Variants in PIBF1 observed in about 807,000 individuals in gnomAD.
PIBF1 encodes progesterone immunomodulatory binding factor 1.
PIBF1 carries 90 observed loss-of-function variants against 112.5 expected under a neutral mutation model. That is an observed-to-expected ratio of 0.80 (90% CI 0.67 to 0.95). The LOEUF (loss-of-function observed/expected upper bound fraction) is 0.95, where lower values mean the gene tolerates loss of function less well. Among genes scored for constraint, PIBF1 ranks in the 40% least tolerant of loss-of-function variants. PIBF1 has a pLI of 0.00. For synonymous variants in PIBF1, 301 were observed against 288.6 expected (o/e 1.04, Z -0.44); for missense variants, 915 against 852.3 (o/e 1.07, Z -0.92).
chr13:72,956,085 A>G (rs971335622), intron 14 of PIBF1, among the ~76,000 whole-genome samples: 1 of 152,178 alleles, frequency 6.6e-6, no homozygotes, highest in African/African-American at 2.4e-5. Flanking sequence ...TTGCAGTAAC[A>G]ATACTGAAAA....
chr13:72,861,243 G>A (rs1311191641), intron 10 of PIBF1, among the ~76,000 whole-genome samples: 2 of 151,626 alleles, frequency 1.3e-5, no homozygotes, highest in Non-Finnish European at 2.9e-5. Flanking sequence ...GACCAGCCTG[G>A]GCAACATAGT....
intron 4 of PIBF1, 114 bp downstream of exon 4, chr13:72,795,671 A>G (rs372285668): frequency 1.5e-6 from 1 of 672,042 alleles, no homozygotes; most frequent in East Asian, 2.8e-5. Flanking sequence ...TTTTATGGCT[A>G]TGGATGGTGA....
intron 16 of PIBF1, among the ~76,000 whole-genome samples, chr13:72,987,305 TAC>T (rs1391519585): frequency 8.1e-6 from 1 of 123,930 alleles, no homozygotes; most frequent in African/African-American, 3.7e-5. Context: ...TTTGTTGTTC[TAC>T]TTTTTTTTTT....
At chr13:72,910,209 T>C (rs1297979918) in intron 12 of PIBF1, among the ~76,000 whole-genome samples, 1 of 152,216 alleles carries the variant, frequency 6.6e-6, no homozygotes, top group South Asian at 2.1e-4. Flanking sequence ...ATTTTAAATT[T>C]ATCTTCAATT....
chr13:72,983,820 T>C lies in PIBF1; in HGVS notation c.2049+10145T>C, dbSNP rs530467007. 1.8e-4 allele frequency among the ~76,000 whole-genome samples: 28 copies of C among 152,290 alleles called. No individual in the cohort carries two copies. The South Asian group carries it at 5.2e-3, about 28-fold the overall frequency. ...AGAGTATCTTTTTACATGTTTTTCT[T>C]ATGCACCTATGTAGTTAAATTTTAC... On this transcript the variant is annotated intron_variant, in intron 16 of 17. Transcript: ENST00000326291.
rs200113942 is a variant in PIBF1, at chr13:72,809,450, CA to C, written c.672+11429del. 8.5e-3 allele frequency among the ~76,000 whole-genome samples: 1,293 copies of C among 151,716 alleles called. 64 individuals are homozygous for C. The highest frequency in any genetic ancestry group is 9.7e-3 in the East Asian group (50 of 5,164). On this transcript the variant is annotated intron_variant, in intron 5 of 17. Coordinates refer to ENST00000326291, the MANE Select transcript of PIBF1 (RefSeq NM_006346.4). ...TGAGAATTTTTAATTCTGTTAAAAC[CA>C]AAAACATTCAGGGTTTTAAATTCTG...
At chr13:72,800,643 A>G (rs1028954527) in intron 5 of PIBF1, among the ~76,000 whole-genome samples, 8 of 152,216 alleles carry the variant, frequency 5.3e-5, no homozygotes, top group African/African-American at 1.9e-4. Context: ...TGCATTTACT[A>G]TATACGGCAT....
At chr13:72,790,466 T>TACACACACAC (rs1566271692) in intron 2 of PIBF1, among the ~76,000 whole-genome samples, 26 of 96,076 alleles carry the variant, frequency 2.7e-4, no homozygotes, top group Middle Eastern at 5.3e-3. Context: ...CACACACACT[T>TACACACACAC]ATAGATAGAT....
Position 72,792,544 on chromosome 13 carries a change from C to A in PIBF1, c.350C>A (p.Ala117Asp). Residue 117 changes from alanine to aspartate, a missense_variant, in exon 3 of 18, where the codon GCC (alanine) becomes GAC (aspartate). Transcript: ENST00000326291. ...DNQLAFQQKDASKYQELMKQE... is the reference protein window; with the variant it reads ...DNQLAFQQKDDSKYQELMKQE... The stretch of plus-strand genomic sequence containing the variant: ...CAATTGGCTTTTCAACAGAAAGATG[C>A]CAGGTAAGAAAAGTTTTTTTTAAAA... 3 of 1,487,716 alleles carry A rather than the reference C, an allele frequency of 2.0e-6. No individual in the cohort carries two copies. Among genetic ancestry groups the A allele is most frequent in the South Asian group, 1.3e-5 (1 of 76,770 alleles). 92.2% of individuals were successfully genotyped at this position (1,487,716 alleles called of 1,614,324 possible).
intron 10 of PIBF1, among the ~76,000 whole-genome samples, chr13:72,892,881 G>T (rs2040114922): frequency 1.3e-5 from 2 of 151,542 alleles, no homozygotes; most frequent in Non-Finnish European, 2.9e-5. Flanking sequence ...TGAACCTAGG[G>T]ATTACCCTAT....
At chr13:72,783,385 T>G in intron 1 of PIBF1, 38 bp from the exon 2 acceptor site, 1 of 929,236 alleles carries the variant, frequency 1.1e-6, no homozygotes, top group Non-Finnish European at 1.6e-6. Context: ...TGTAGTTAAT[T>G]TTATAGTACA....
chr13:72,927,395 T>C (rs2138742289), intron 13 of PIBF1, among the ~76,000 whole-genome samples: 1 of 152,104 alleles, frequency 6.6e-6, no homozygotes, highest in Non-Finnish European at 1.5e-5. Context: ...TCCCAGCTAC[T>C]GAGGAGGCTG....
At chr13:72,870,536 T>G (rs913220783) in intron 10 of PIBF1, among the ~76,000 whole-genome samples, 2 of 152,186 alleles carry the variant, frequency 1.3e-5, no homozygotes, top group African/African-American at 4.8e-5. Flanking sequence ...CAAGTCAATA[T>G]TTATTGAACC....
intron 5 of PIBF1, among the ~76,000 whole-genome samples, chr13:72,804,340 G>A (rs1389436698): frequency 1.3e-5 from 2 of 152,046 alleles, no homozygotes; most frequent in African/African-American, 4.8e-5. Context: ...ATGTGACATG[G>A]GAACCTTCAG....
chr13:72,878,824 T>A (rs2039509899), intron 10 of PIBF1, among the ~76,000 whole-genome samples: 1 of 152,332 alleles, frequency 6.6e-6, no homozygotes, highest in South Asian at 2.1e-4. Context: ...AGGATTATTA[T>A]ATCTACTTGG....
intron 14 of PIBF1, among the ~76,000 whole-genome samples, chr13:72,960,813 A>C (rs1224713639): frequency 6.6e-6 from 1 of 152,208 alleles, no homozygotes; most frequent in Admixed American, 6.5e-5. Flanking sequence ...GTCCAGCTGC[A>C]TATTTGAATG....
intron 14 of PIBF1, among the ~76,000 whole-genome samples, chr13:72,941,670 G>A (rs1189064887): frequency 3.3e-5 from 5 of 152,138 alleles, no homozygotes; most frequent in Admixed American, 3.3e-4. Flanking sequence ...TTAGCTACCT[G>A]GAATTTTGTA....
chr13:72,910,082 G>A (rs9600034), intron 12 of PIBF1, among the ~76,000 whole-genome samples: 4,079 of 152,180 alleles, frequency 0.027, 73 homozygotes, highest in Non-Finnish European at 0.041. Context: ...ATTATTTTAG[G>A]CACATTTTTG....
intron 10 of PIBF1, among the ~76,000 whole-genome samples, chr13:72,857,994 A>T (rs1268654572): frequency 1.4e-5 from 2 of 142,622 alleles, no homozygotes; most frequent in African/African-American, 2.7e-5. Context: ...GAGTAATTCG[A>T]TAATACCTAT....
Sources: gnomAD v4.1 joint callset for allele counts (sites outside exome capture counted in the v4.1 genomes callset) on GRCh38, gnomAD v4.1.1 for gene constraint, MANE v1.5 for transcripts, NCBI Gene and HGNC (gene_info 2026-07-23, HGNC 2026-07-21) for gene names.